The following RASSF8 variants were observed in gnomAD, a reference collection of about 807,000 sequenced individuals.
RASSF8 encodes the protein Ras association domain family member 8.
Under a neutral mutation model 48.5 loss-of-function variants are expected in RASSF8, and 22 were observed. The ratio of observed to expected loss-of-function variants is 0.45; its 90% CI spans 0.32 to 0.65. The LOEUF is 0.65. RASSF8 is among the 30% of genes least tolerant of loss of function. The pLI, the probability that RASSF8 is intolerant of heterozygous loss-of-function variation, is 0.03. For synonymous variants in RASSF8, 127 were observed against 171.5 expected (o/e 0.74, Z 2.03); for missense variants, 418 against 489.2 (o/e 0.85, Z 1.37).
chr12:26,021,552 C>T (rs1406319512), intron 2 of RASSF8: 1 of 152,202 alleles, frequency 6.6e-6, no homozygotes, highest in African/African-American at 2.4e-5. Context: ...GGTTCTCTTC[C>T]TCCACCCAGC....
At chr12:26,068,140 T>C (rs573914630) in intron 5 of RASSF8, among the ~76,000 whole-genome samples, 2 of 152,298 alleles carry the variant, frequency 1.3e-5, no homozygotes, top group South Asian at 4.1e-4. Context: ...AGCTAATTTT[T>C]AAGTGGGACA....
Position 25,962,898 on chromosome 12 carries a change from A to G in RASSF8, c.-203+3750A>G, listed in dbSNP as rs374291330. 3.1e-3 allele frequency among the ~76,000 whole-genome samples: 465 copies of G among 152,346 alleles called. 1 individual carries two copies. The highest frequency in any genetic ancestry group is 0.011 in the African/African-American group (437 of 41,580). On this transcript the variant is annotated intron_variant, in intron 1 of 5. Coordinates refer to ENST00000689635, the MANE Select transcript of RASSF8 (RefSeq NM_001394098.1). The stretch of plus-strand genomic sequence containing the variant: ...GTAGGTTCTGTGAAATATTCGTAGT[A>G]ATAAATTGAGACACCTTTTAATTAG...
intron 1 of RASSF8, among the ~76,000 whole-genome samples, chr12:25,984,782 A>G (rs1350730471): frequency 6.6e-6 from 1 of 152,250 alleles, no homozygotes; most frequent in Non-Finnish European, 1.5e-5. Context: ...TTGTGAGTGC[A>G]TGAATGTTTC....
chr12:26,038,657 T>C (rs1943202598), intron 2 of RASSF8, among the ~76,000 whole-genome samples: 1 of 109,482 alleles, frequency 9.1e-6, no homozygotes, highest in Non-Finnish European at 2.1e-5. Flanking sequence ...ACACACACAC[T>C]TTTAAAAGGG....
At chr12:26,023,159 G>A (rs1120064) in intron 2 of RASSF8, among the ~76,000 whole-genome samples, 10,813 of 152,142 alleles carry the variant, frequency 0.071, 760 homozygotes, top group East Asian at 0.27. Context: ...CAGCCTCAGA[G>A]AAAAATATGG....
In RASSF8 at chr12:26,014,171, G is replaced by C. The variant is rs1592267196; in HGVS notation, c.-109+19041G>C. Reference sequence around the variant, plus strand: ...AAGTGGGTGCTCACTCACTACAGCAGCAAACTTCAGCAAATGTGTTTTAAC... The same window carrying C: ...AAGTGGGTGCTCACTCACTACAGCACCAAACTTCAGCAAATGTGTTTTAAC... On this transcript the variant is annotated intron_variant, in intron 2 of 5. Transcript: ENST00000689635. Among the ~76,000 whole-genome samples the C allele has an allele frequency of 2.0e-5, 3 of 152,342 alleles. No individual in the cohort carries two copies. In the South Asian group the frequency reaches 6.2e-4, roughly 32 times the overall value.
chr12:26,032,175 C>G (rs1943044196), intron 2 of RASSF8, among the ~76,000 whole-genome samples: 1 of 152,116 alleles, frequency 6.6e-6, no homozygotes, highest in African/African-American at 2.4e-5. Context: ...CCCAGTTTAT[C>G]CTTTCTTGTG....
intron 1 of RASSF8, among the ~76,000 whole-genome samples, chr12:25,988,987 G>A (rs1198496692): frequency 6.6e-6 from 1 of 152,158 alleles, no homozygotes; most frequent in Admixed American, 6.5e-5. Flanking sequence ...ATTTTAGAAA[G>A]CATCTCTGAG....
intron 1 of RASSF8, among the ~76,000 whole-genome samples, chr12:25,963,724 C>T (rs907464591): frequency 3.3e-5 from 5 of 152,104 alleles, no homozygotes; most frequent in East Asian, 1.9e-4. Flanking sequence ...CTGAGGTTTC[C>T]GTAGCCTGGG....
intron 2 of RASSF8, among the ~76,000 whole-genome samples, chr12:26,008,129 CAGGTGTGGTGGCGGGCGCCTGT>C (rs1052584071): frequency 6.6e-6 from 1 of 152,002 alleles, no homozygotes; most frequent in Non-Finnish European, 1.5e-5. Flanking sequence ...CAAAATTAGT[CAGGTGTGGTGGCGGGCGCCTGT>C]AGTCCCAGCT....
At chr12:26,061,042 A>G (rs1349992743) in intron 3 of RASSF8, among the ~76,000 whole-genome samples, 3 of 152,158 alleles carry the variant, frequency 2.0e-5, no homozygotes, top group Admixed American at 6.5e-5. Context: ...AGTAGAATCT[A>G]TTTCTCTAGA....
At chr12:26,043,068 T>C (rs985118632) in intron 2 of RASSF8, among the ~76,000 whole-genome samples, 1 of 152,138 alleles carries the variant, frequency 6.6e-6, no homozygotes, top group Non-Finnish European at 1.5e-5. Flanking sequence ...CAAACACACA[T>C]GGTTCACCCA....
At chr12:26,011,520 G>A (rs1340200992) in intron 2 of RASSF8, among the ~76,000 whole-genome samples, 1 of 152,104 alleles carries the variant, frequency 6.6e-6, no homozygotes, top group Non-Finnish European at 1.5e-5. Context: ...AATTAATTGA[G>A]TGCTGTGGTT....
intron 4 of RASSF8, among the ~76,000 whole-genome samples, 160 bp downstream of exon 4, chr12:26,065,547 A>G (rs982381933): frequency 1.3e-5 from 2 of 152,212 alleles, no homozygotes; most frequent in East Asian, 1.9e-4. Flanking sequence ...GACAGCTTAG[A>G]TGGGAGCAGT....
chr12:26,024,893 C>T (rs751751856), intron 2 of RASSF8, among the ~76,000 whole-genome samples: 16 of 151,984 alleles, frequency 1.1e-4, no homozygotes, highest in Admixed American at 7.2e-4. Flanking sequence ...GGAGGCGGAG[C>T]TTGCAGTGAG....
At chr12:26,001,145 C>T (rs549497960) in intron 2 of RASSF8, among the ~76,000 whole-genome samples, 4 of 151,460 alleles carry the variant, frequency 2.6e-5, no homozygotes, top group East Asian at 1.9e-4. Flanking sequence ...TCACCACACC[C>T]AGCTAATTTT....
intron 2 of RASSF8, among the ~76,000 whole-genome samples, chr12:26,015,577 T>C (rs1001117606): frequency 6.6e-6 from 1 of 152,236 alleles, no homozygotes; most frequent in Non-Finnish European, 1.5e-5. Context: ...AAACTGCTTA[T>C]GTTTTGTGTA....
intron 1 of RASSF8, among the ~76,000 whole-genome samples, chr12:25,976,832 G>C (rs1941618198): frequency 6.6e-6 from 1 of 152,084 alleles, no homozygotes. Context: ...TCTTCCCCCT[G>C]CTGCGTTAAG....
chr12:26,067,524 C>T (rs762585152), intron 4 of RASSF8, 45 bp from the exon 5 acceptor site: 3 of 1,531,710 alleles, frequency 2.0e-6, no homozygotes, highest in South Asian at 2.4e-5. Flanking sequence ...TTGCACTGTC[C>T]AGTAGTGAAT....
Sources: allele counts gnomAD v4.1 joint callset (sites outside exome capture counted in the v4.1 genomes callset), GRCh38; gene constraint gnomAD v4.1.1; transcripts MANE v1.5; gene names NCBI Gene and HGNC (gene_info 2026-07-23, HGNC 2026-07-21).